MAPT: variants seen among roughly 807,000 people sequenced by gnomAD.
MAPT encodes the protein microtubule-associated protein tau.
In MAPT, 34 loss-of-function variants were observed where a neutral mutation model predicts 67.9. The observed-to-expected ratio is 0.50, with a 90% CI of 0.38 to 0.67. The LOEUF (loss-of-function observed/expected upper bound fraction) is 0.67, where lower values mean the gene tolerates loss of function less well. MAPT is among the 30% of genes least tolerant of loss of function. MAPT has a pLI of 0.00. For synonymous variants in MAPT, 456 were observed against 464.5 expected (o/e 0.98, Z 0.23); for missense variants, 881 against 1,115.2 (o/e 0.79, Z 2.99).
At chr17:45,997,277 C>T (rs530941372) in intron 9 of MAPT, among the ~76,000 whole-genome samples, 25 of 152,232 alleles carry the variant, frequency 1.6e-4, no homozygotes, top group African/African-American at 5.3e-4. Context: ...CGTCTGGGTG[C>T]GTTAGGGCTG....
At chr17:46,022,631 G>C (rs921979589) in intron 12 of MAPT, among the ~76,000 whole-genome samples, 3 of 152,146 alleles carry the variant, frequency 2.0e-5, no homozygotes, top group Non-Finnish European at 4.4e-5. Context: ...ACCCAAAAAG[G>C]GCTGAGAATG....
chr17:45,963,249 C>A (rs2070652758), intron 2 of MAPT, among the ~76,000 whole-genome samples: 2 of 152,154 alleles, frequency 1.3e-5, no homozygotes, highest in Non-Finnish European at 2.9e-5. Context: ...ATCTTTTGGC[C>A]AAATTGACTT....
chr17:45,987,279 T>G (rs2073644176), intron 6 of MAPT, among the ~76,000 whole-genome samples, 184 bp downstream of exon 6: 1 of 152,222 alleles, frequency 6.6e-6, no homozygotes, highest in South Asian at 2.1e-4. Context: ...GTTTTGATAC[T>G]TACCCCAGGG....
Position 46,023,988 on chromosome 17 carries a change from C to T in MAPT, c.2319C>T (p.Asn773=), listed in dbSNP as rs746312281. The T allele has an allele frequency of 3.5e-5, 56 of 1,614,068 alleles. No homozygotes were observed. Among genetic ancestry groups the T allele is most frequent in the African/African-American group, 4.0e-5 (3 of 74,928 alleles). ...CCCACAAGCTGACCTTCCGCGAGAA[C>T]GCCAAAGCCAAGACAGACCACGGGG... ...IETHKLTFRE[N]AKAKTDHGAE... The change falls in exon 13 of 13, where the codon AAC becomes AAT. Residue 773 remains asparagine, a synonymous_variant. Coordinates refer to ENST00000262410, the MANE Select transcript of MAPT (RefSeq NM_001377265.1).
chr17:45,938,609 G>A (rs1421674843), intron 1 of MAPT, among the ~76,000 whole-genome samples: 1 of 152,116 alleles, frequency 6.6e-6, no homozygotes, highest in East Asian at 1.9e-4. Flanking sequence ...GTCTCTGAAA[G>A]GCTACTTTAC....
rs184467395 is a variant in MAPT at position 45,949,842 on chromosome 17, C to T, written c.-17-12479C>T. ...AAGGATGGTGGCAGGTGGAGGAAGG[C>T]GGATTGGTCATCACCTCCTTGCAGC... On this transcript the variant is annotated intron_variant, in intron 1 of 12. Coordinates refer to ENST00000262410, the MANE Select transcript of MAPT (RefSeq NM_001377265.1). Among the ~76,000 whole-genome samples the T allele has an allele frequency of 7.9e-5, 12 of 152,228 alleles. No individual in the cohort carries two copies. The East Asian group carries it at 1.2e-3, about 15-fold the overall frequency.
At chr17:45,986,326 G>A (rs1241814388) in intron 5 of MAPT, among the ~76,000 whole-genome samples, 1 of 152,214 alleles carries the variant, frequency 6.6e-6, no homozygotes, top group African/African-American at 2.4e-5. Flanking sequence ...CCAGCAACTA[G>A]GGGACAAAGA....
intron 11 of MAPT, among the ~76,000 whole-genome samples, chr17:46,016,826 T>C (rs1176086389): frequency 6.6e-6 from 1 of 152,176 alleles, no homozygotes; most frequent in East Asian, 1.9e-4. Flanking sequence ...TCTGCAGTGA[T>C]GGAAATATTC....
chr17:45,994,055 G>T (rs547704091), intron 8 of MAPT: 2 of 1,396,840 alleles, frequency 1.4e-6, no homozygotes, highest in Non-Finnish European at 2.0e-6. Context: ...TTCTAGAGCC[G>T]GGAGGACCCT....
chr17:45,918,410 C>T (rs562618227), intron 1 of MAPT, among the ~76,000 whole-genome samples: 1 of 152,328 alleles, frequency 6.6e-6, no homozygotes, highest in East Asian at 1.9e-4. Context: ...TGGCTGCCCC[C>T]TACTAGCTGT....
chr17:45,917,920 G>A (rs372327565), intron 1 of MAPT, among the ~76,000 whole-genome samples: 1 of 152,048 alleles, frequency 6.6e-6, no homozygotes, highest in African/African-American at 2.4e-5. Context: ...CTACAGGTGC[G>A]CACCACCATG....
At chr17:45,992,594 T>C (rs2074149463) in intron 8 of MAPT, among the ~76,000 whole-genome samples, 1 of 152,064 alleles carries the variant, frequency 6.6e-6, no homozygotes, top group Non-Finnish European at 1.5e-5. Context: ...GGAGTGCTAT[T>C]AAGAACAGTC....
chr17:45,964,256 G>A (rs949905669), intron 2 of MAPT, among the ~76,000 whole-genome samples: 1 of 151,874 alleles, frequency 6.6e-6, no homozygotes, highest in East Asian at 1.9e-4. Flanking sequence ...TGTGCACAAC[G>A]TGCAGGTTTG....
At chr17:45,992,200 C>A (rs1324607427) in intron 8 of MAPT, among the ~76,000 whole-genome samples, 1 of 152,192 alleles carries the variant, frequency 6.6e-6, no homozygotes, top group African/African-American at 2.4e-5. Context: ...GTTTGCTTGA[C>A]TGAGTCTAAC....
At chr17:46,020,724 C>T (rs1050976483) in intron 12 of MAPT, among the ~76,000 whole-genome samples, 2 of 152,140 alleles carry the variant, frequency 1.3e-5, no homozygotes, top group Non-Finnish European at 2.9e-5. Flanking sequence ...TCTCGGGAGA[C>T]TTATTCACTA....
rs1439367511 is a variant in MAPT, at chr17:45,956,569, TATATATATATATATATATATATATATATA to T, written c.-17-5751_-17-5723del. 9.3e-3 allele frequency among the ~76,000 whole-genome samples: 553 copies of T among 59,310 alleles called. 12 individuals are homozygous for T. Among genetic ancestry groups the T allele is most frequent in the Middle Eastern group, 0.028 (3 of 106 alleles). 38.9% of individuals were successfully genotyped at this position (59,310 alleles called of 152,430 possible). A position where few individuals can be genotyped will look rare whatever the true frequency, so the allele number is the denominator to read the frequency against. ...TCTTTTATATATATATATATATATA[TATATATATATATATATATATATATATATA>T]TATTTTTTATTATTATACTTTAAGT... On this transcript the variant is annotated intron_variant, in intron 1 of 12. Coordinates refer to ENST00000262410, the MANE Select transcript of MAPT (RefSeq NM_001377265.1).
intron 7 of MAPT, chr17:45,990,579 A>G (rs141013430): frequency 0.013 from 4,839 of 374,954 alleles, 42 homozygotes; most frequent in Non-Finnish European, 0.021. Flanking sequence ...CTTGGGCGAC[A>G]GAGCAAGACC....
chr17:45,917,019 T>G (rs1315615237), intron 1 of MAPT, among the ~76,000 whole-genome samples: 1 of 152,232 alleles, frequency 6.6e-6, no homozygotes, highest in African/African-American at 2.4e-5. Context: ...ATATTTGAGA[T>G]CCCAAGAAAT....
intron 8 of MAPT, chr17:45,993,830 T>C (rs1335619373): frequency 2.3e-6 from 3 of 1,318,094 alleles, no homozygotes. Context: ...GGGCCCCTGC[T>C]GGGCCAGCTG....
Sources: allele counts gnomAD v4.1 joint callset (sites outside exome capture counted in the v4.1 genomes callset), GRCh38; gene constraint gnomAD v4.1.1; transcripts MANE v1.5; gene names NCBI Gene and HGNC (gene_info 2026-07-23, HGNC 2026-07-21).